GLIPR1: variants seen among roughly 807,000 people sequenced by gnomAD.
The protein encoded by GLIPR1 is glioma pathogenesis-related protein 1.
In GLIPR1, 38 loss-of-function variants were observed where a neutral mutation model predicts 30.3. The ratio of observed to expected loss-of-function variants is 1.26; its 90% confidence interval spans 0.97 to 1.65. The LOEUF (loss-of-function observed/expected upper bound fraction) is 1.65, where lower values mean the gene tolerates loss of function less well. GLIPR1 is among the 40% of genes most tolerant of loss of function. The pLI, the probability that GLIPR1 is intolerant of heterozygous loss-of-function variation, is 0.00. For synonymous variants in GLIPR1, 122 were observed against 110.6 expected (o/e 1.10, Z -0.65); for missense variants, 285 against 326.5 (o/e 0.87, Z 0.98).
intron 2 of GLIPR1, among the ~76,000 whole-genome samples, chr12:75,489,991 G>T (rs2046312134): frequency 6.6e-6 from 1 of 151,888 alleles, no homozygotes; most frequent in Non-Finnish European, 1.5e-5. Flanking sequence ...CTTTCTCCCT[G>T]GTGTTCCCTC....
Position 75,490,222 on chromosome 12 carries a change from CACACACACACA to C in GLIPR1, c.421-183_421-173del, listed in dbSNP as rs1213609270. On this transcript the variant is annotated intron_variant, in intron 2 of 5. Transcript: ENST00000266659. ...ACACACACACACACACACACACACA[CACACACACACA>C]CCCCAATAATGGTAACTACAGGTCT... is the stretch of plus-strand genomic sequence containing the variant. 1.2e-3 allele frequency among the ~76,000 whole-genome samples: 184 copies of C among 151,318 alleles called. 1 individual carries two copies. Among genetic ancestry groups the C allele is most frequent in the African/African-American group, 4.1e-3 (170 of 41,056 alleles).
chr12:75,487,737 A>T (rs913475809), intron 2 of GLIPR1: 2 of 456,136 alleles, frequency 4.4e-6, no homozygotes, highest in African/African-American at 4.0e-5. Context: ...CTCTCCCTCC[A>T]GGTGTCACAG....
chr12:75,496,950 A>G (rs1323575026), intron 4 of GLIPR1: 2 of 152,226 alleles, frequency 1.3e-5, no homozygotes, highest in Non-Finnish European at 2.9e-5. Flanking sequence ...TCTTGTGAAG[A>G]AAAGTAACAT....
intron 2 of GLIPR1, chr12:75,484,843 T>A (rs1274923659): frequency 5.7e-6 from 1 of 175,512 alleles, no homozygotes; most frequent in Admixed American, 6.3e-5. Context: ...TCTGGATGTA[T>A]ACGTGCAGGT....
Position 75,500,285 on chromosome 12 carries a change from T to C in GLIPR1, c.*1307T>C, listed in dbSNP as rs1286631621. Reference sequence around the variant, plus strand: ...AATCCTACTTCAGACTAAATTATTTTACCTACATTCTTTTCCATATTTTGG... The same window carrying C: ...AATCCTACTTCAGACTAAATTATTTCACCTACATTCTTTTCCATATTTTGG... On this transcript the variant is annotated 3_prime_UTR_variant, in exon 6 of 6. Coordinates refer to ENST00000266659, the MANE Select transcript of GLIPR1 (RefSeq NM_006851.3). 1 of 159,536 alleles carries C rather than the reference T, an allele frequency of 6.3e-6. No individual in the cohort carries two copies. The highest frequency in any genetic ancestry group is 1.4e-5 in the Non-Finnish European group (1 of 73,198). The allele number at this position is 159,536 out of a possible 1,614,324, so 9.9% of individuals were successfully genotyped here. A position where few individuals can be genotyped will look rare whatever the true frequency, so the allele number is the denominator to read the frequency against.
chr12:75,503,623 G>C lies in GLIPR1; in HGVS notation c.*4645G>C, dbSNP rs1594067964. On this transcript the variant is annotated 3_prime_UTR_variant, in exon 6 of 6. Coordinates refer to ENST00000266659, the MANE Select transcript of GLIPR1 (RefSeq NM_006851.3). ...CCAAATCAGAGAAAAGAGTATTGCAGACTAAACGAACTTTTATCCATGGAA... is the reference window on the plus strand; with the variant it reads ...CCAAATCAGAGAAAAGAGTATTGCACACTAAACGAACTTTTATCCATGGAA... 4.1e-6 allele frequency: 1 copy of C among 242,940 alleles called. No individual in the cohort carries two copies. Among genetic ancestry groups the C allele is most frequent in the Admixed American group, 5.4e-5 (1 of 18,690 alleles). The allele number at this position is 242,940 out of a possible 1,614,324, so 15.0% of individuals were successfully genotyped here.
chr12:75,494,702 A>G (rs968902684), intron 3 of GLIPR1: 3 of 152,222 alleles, frequency 2.0e-5, no homozygotes, highest in African/African-American at 7.2e-5. Flanking sequence ...CCAAAAGCAG[A>G]GTTCCAAAAA....
intron 3 of GLIPR1, chr12:75,491,094 A>G (rs899174461): frequency 2.0e-5 from 3 of 152,196 alleles, no homozygotes; most frequent in African/African-American, 7.2e-5. Flanking sequence ...GAAAATATAC[A>G]TTTTCTATTT....
In GLIPR1 at chr12:75,498,866, G is replaced by T. The variant is rs140872473; in HGVS notation, c.689G>T (p.Arg230Leu). 84 of 1,610,902 alleles carry T rather than the reference G, an allele frequency of 5.2e-5. 1 individual carries two copies. The highest frequency in any genetic ancestry group is 5.2e-5 in the Non-Finnish European group (61 of 1,177,660). The change falls in exon 6 of 6, where the codon CGT becomes CTT. Residue 230 changes from arginine (R) to leucine (L), a missense_variant. Arg to Leu is a moderately radical substitution (Grantham distance 102). Coordinates refer to ENST00000266659, the MANE Select transcript of GLIPR1 (RefSeq NM_006851.3). ...TATCCAGGCTGGCCCATATATCCACGTAACAGATACACTTCTCTCTTTCTC... is the reference window on the plus strand; with the variant it reads ...TATCCAGGCTGGCCCATATATCCACTTAACAGATACACTTCTCTCTTTCTC... Reference protein sequence around the residue: ...VVYPGWPIYPRNRYTSLFLIV... With the variant: ...VVYPGWPIYPLNRYTSLFLIV...
At chr12:75,481,538 A>G (rs2046271014) in intron 1 of GLIPR1, 2 of 369,322 alleles carry the variant, frequency 5.4e-6, no homozygotes. Context: ...ACTTCTTAGG[A>G]TATGGGCTGT....
chr12:75,490,972 A>G (rs1343812467), intron 3 of GLIPR1: 3 of 153,606 alleles, frequency 2.0e-5, no homozygotes, highest in Non-Finnish European at 4.3e-5. Context: ...GTTGTTTTTA[A>G]AACAGATATA....
chr12:75,485,514 C>T (rs908484491), intron 2 of GLIPR1, among the ~76,000 whole-genome samples: 9 of 148,738 alleles, frequency 6.1e-5, no homozygotes, highest in East Asian at 2.0e-4. Flanking sequence ...CTCCTCCTCT[C>T]ACCCTCTTGA....
rs2046394718 is a variant in GLIPR1, at chr12:75,501,647, A to C, written c.*2669A>C. 6.3e-6 allele frequency: 6 copies of C among 951,336 alleles called. No homozygotes were observed. The highest frequency in any genetic ancestry group is 8.1e-6 in the Non-Finnish European group (5 of 614,072). 58.9% of individuals were successfully genotyped at this position (951,336 alleles called of 1,614,324 possible). ...TGATGAAAAGATACAACTGTTTCTTAAAAAGATTCAGACAAATTTATTATG... is the reference window on the plus strand; with the variant it reads ...TGATGAAAAGATACAACTGTTTCTTCAAAAGATTCAGACAAATTTATTATG... On this transcript the variant is annotated 3_prime_UTR_variant, in exon 6 of 6. Coordinates refer to ENST00000266659, the MANE Select transcript of GLIPR1 (RefSeq NM_006851.3).
chr12:75,500,186 G>A lies in GLIPR1; in HGVS notation c.*1208G>A. 1.1e-5 allele frequency: 3 copies of A among 279,102 alleles called. No homozygotes were observed. 17.3% of individuals were successfully genotyped at this position (279,102 alleles called of 1,614,324 possible). ...TAAAATACTTTATATATTAGTACAA[G>A]TATACATAAAAATGGCATAAATGGC... On this transcript the variant is annotated 3_prime_UTR_variant, in exon 6 of 6. Coordinates refer to ENST00000266659, the MANE Select transcript of GLIPR1 (RefSeq NM_006851.3).
Position 75,501,711 on chromosome 12 carries a change from A to G in GLIPR1, c.*2733A>G. The G allele has an allele frequency of 6.5e-7, 1 of 1,544,992 alleles. No individual in the cohort carries two copies. Among genetic ancestry groups the G allele is most frequent in the Non-Finnish European group, 8.9e-7 (1 of 1,126,848 alleles). On this transcript the variant is annotated 3_prime_UTR_variant, in exon 6 of 6. Transcript: ENST00000266659. ...TAATTAATAAAGACTTTTACATCATAGAAAGCATTACCTTCCTTAGGTTTC... is the reference window on the plus strand; with the variant it reads ...TAATTAATAAAGACTTTTACATCATGGAAAGCATTACCTTCCTTAGGTTTC...
intron 3 of GLIPR1, chr12:75,491,939 TCTGA>T (rs888755194): frequency 5.5e-4 from 84 of 152,288 alleles, no homozygotes; most frequent in African/African-American, 1.9e-3. Context: ...TGCTCGATAC[TCTGA>T]CTGAGTGCTG....
Position 75,499,840 on chromosome 12 carries a change from G to A in GLIPR1, c.*862G>A. The A allele has an allele frequency of 6.2e-7, 1 of 1,603,898 alleles. No homozygotes were observed. Among genetic ancestry groups the A allele is most frequent in the Non-Finnish European group, 8.5e-7 (1 of 1,175,970 alleles). Reference sequence around the variant, plus strand: ...TTTTTTCTTCTTTTTCTTTTCATCTGCCTCCATCTTAAGTGCAATTTCTTC... The same window carrying A: ...TTTTTTCTTCTTTTTCTTTTCATCTACCTCCATCTTAAGTGCAATTTCTTC... On this transcript the variant is annotated 3_prime_UTR_variant, in exon 6 of 6. Coordinates refer to ENST00000266659, the MANE Select transcript of GLIPR1 (RefSeq NM_006851.3).
rs764490462 is a variant in GLIPR1, at chr12:75,501,508, A to G, written c.*2530A>G. ...TTCCAAGCACAGACCAGAGGTCAGGAGAGGACTGTCAATCCAGTTTGCACT... is the reference window on the plus strand; with the variant it reads ...TTCCAAGCACAGACCAGAGGTCAGGGGAGGACTGTCAATCCAGTTTGCACT... On this transcript the variant is annotated 3_prime_UTR_variant, in exon 6 of 6. Coordinates refer to ENST00000266659, the MANE Select transcript of GLIPR1 (RefSeq NM_006851.3). 4.4e-5 allele frequency: 23 copies of G among 517,846 alleles called. No homozygotes were observed. The highest frequency in any genetic ancestry group is 6.9e-5 in the Non-Finnish European group (20 of 291,568). The allele number at this position is 517,846 out of a possible 1,614,324, so 32.1% of individuals were successfully genotyped here. A position where few individuals can be genotyped will look rare whatever the true frequency, so the allele number is the denominator to read the frequency against.
At chr12:75,498,797 A>C in intron 5 of GLIPR1, 27 bp from the exon 6 acceptor site, 1 of 1,611,850 alleles carries the variant, frequency 6.2e-7, no homozygotes, top group Non-Finnish European at 8.5e-7. Context: ...ACAATGTCTA[A>C]GAGGATATTC....
Sources: gnomAD v4.1 joint callset for allele counts (sites outside exome capture counted in the v4.1 genomes callset) on GRCh38, gnomAD v4.1.1 for gene constraint, MANE v1.5 for transcripts, NCBI Gene and HGNC (gene_info 2026-07-23, HGNC 2026-07-21) for gene names.